CORO2B: variants seen among roughly 807,000 people sequenced by gnomAD.
CORO2B encodes the protein coronin 2B.
Under a neutral mutation model 58.8 loss-of-function variants are expected in CORO2B, and 26 were observed. That is an observed-to-expected ratio of 0.44 (90% confidence interval 0.32 to 0.61). The LOEUF (loss-of-function observed/expected upper bound fraction) is 0.61. Ranked by LOEUF, CORO2B falls within the 20% of genes least tolerant of loss-of-function variation. The pLI is 0.04. For synonymous variants in CORO2B, 242 were observed against 253.8 expected, an observed-to-expected ratio of 0.95 and a Z score of 0.44; for missense variants, 460 against 645.1, an observed-to-expected ratio of 0.71 and a Z score of 3.11.
intron 1 of CORO2B, among the ~76,000 whole-genome samples, chr15:68,640,438 T>G (rs1901174524): frequency 6.6e-6 from 1 of 151,696 alleles, no homozygotes; most frequent in African/African-American, 2.4e-5. Flanking sequence ...TGAAGCATCA[T>G]GAGACAAATC....
chr15:68,535,393 A>G, the CORO2B span, among the ~76,000 whole-genome samples: 2 of 152,260 alleles, frequency 1.3e-5, no homozygotes, highest in Admixed American at 6.5e-5. Flanking sequence ...TTTTTAATCT[A>G]TAAAATGAGA....
At chr15:68,695,807 G>GAGA (rs1456176205) in intron 3 of CORO2B, among the ~76,000 whole-genome samples, 1 of 152,092 alleles carries the variant, frequency 6.6e-6, no homozygotes, top group Non-Finnish European at 1.5e-5. Flanking sequence ...AATGAGAAGA[G>GAGA]AGAAGAAACA....
At chr15:68,541,962 G>A in the CORO2B span, among the ~76,000 whole-genome samples, 5 of 152,234 alleles carry the variant, frequency 3.3e-5, no homozygotes, top group African/African-American at 1.2e-4. Flanking sequence ...TGTGGGACCC[G>A]CCTGTGTTCC....
At chr15:68,618,250 A>C (rs946857243) in intron 1 of CORO2B, among the ~76,000 whole-genome samples, 1 of 152,220 alleles carries the variant, frequency 6.6e-6, no homozygotes, top group African/African-American at 2.4e-5. Flanking sequence ...TACTGGTAGC[A>C]GCCTACCACT....
At chr15:68,522,089 G>A in the CORO2B span, among the ~76,000 whole-genome samples, 49 of 152,192 alleles carry the variant, frequency 3.2e-4, no homozygotes, top group African/African-American at 1.1e-3. Context: ...GATTGCAGGC[G>A]TGACCCACCA....
intron 3 of CORO2B, among the ~76,000 whole-genome samples, chr15:68,707,099 T>A (rs1892803502): frequency 6.6e-6 from 1 of 152,166 alleles, no homozygotes; most frequent in African/African-American, 2.4e-5. Context: ...TAGCTGGGAT[T>A]ACAAGCGCGC....
At chr15:68,711,176 G>A (rs1309795491) in intron 4 of CORO2B, among the ~76,000 whole-genome samples, 1 of 152,082 alleles carries the variant, frequency 6.6e-6, no homozygotes, top group East Asian at 1.9e-4. Context: ...TAACCAAGAG[G>A]TGGCAAAAGG....
chr15:68,697,876 G>A (rs1270632685), intron 3 of CORO2B, among the ~76,000 whole-genome samples: 1 of 152,202 alleles, frequency 6.6e-6, no homozygotes, highest in Non-Finnish European at 1.5e-5. Context: ...GCAGGTGGAG[G>A]TGCTGCCCAT....
chr15:68,717,194 A>G (rs937261732), intron 8 of CORO2B, among the ~76,000 whole-genome samples: 4 of 151,962 alleles, frequency 2.6e-5, no homozygotes, highest in African/African-American at 9.7e-5. Context: ...CACCCCTGTA[A>G]TCCCAGCTAC....
Position 68,645,364 on chromosome 15 carries a change from G to T in CORO2B, c.216+4G>T. 4 of 1,609,360 alleles carry T rather than the reference G, an allele frequency of 2.5e-6. No individual in the cohort carries two copies. The highest frequency in any genetic ancestry group is 2.5e-6 in the Non-Finnish European group (3 of 1,179,782). On this transcript the variant is annotated splice_donor_region_variant and intron_variant, in intron 2 of 11. Transcript: ENST00000261861. The surrounding 1 kb of genome is among the most constrained non-coding windows in gnomAD (Gnocchi z 4.5). Reference sequence around the variant, plus strand: ...CCTCGTCATCCCCCTGGAGCAGGTAGGTGGCCCCTACCTTCACTCCAGCTG... The same window carrying T: ...CCTCGTCATCCCCCTGGAGCAGGTATGTGGCCCCTACCTTCACTCCAGCTG...
At chr15:68,680,765 C>T (rs957774633) in intron 2 of CORO2B, among the ~76,000 whole-genome samples, 4 of 152,202 alleles carry the variant, frequency 2.6e-5, no homozygotes. Flanking sequence ...TCAGTTTCCT[C>T]ATCTGCAAAA....
At chr15:68,570,006 T>C in the CORO2B span, among the ~76,000 whole-genome samples, 2 of 152,216 alleles carry the variant, frequency 1.3e-5, no homozygotes, top group Non-Finnish European at 2.9e-5. Context: ...GGGAAAGTTC[T>C]CACCTGCAGA....
intron 3 of CORO2B, among the ~76,000 whole-genome samples, chr15:68,705,171 C>A (rs970877990): frequency 6.6e-6 from 1 of 152,132 alleles, no homozygotes; most frequent in Non-Finnish European, 1.5e-5. Context: ...GGAAGATTAA[C>A]TAATACTATC....
the CORO2B span, among the ~76,000 whole-genome samples, chr15:68,534,281 C>A: frequency 6.6e-6 from 1 of 152,254 alleles, no homozygotes; most frequent in East Asian, 1.9e-4. Context: ...TATGTGTACA[C>A]ACACCTGCAC....
Position 68,718,765 on chromosome 15 carries a change from T to C in CORO2B, c.1035T>C (p.Thr345=). The C allele has an allele frequency of 6.2e-7, 1 of 1,614,168 alleles. No homozygotes were observed. Among genetic ancestry groups the C allele is most frequent in the Non-Finnish European group, 8.5e-7 (1 of 1,180,024 alleles). ...TGTTCCGCTTCTACAAGCTGGTGAC[T>C]CTCAAGGGCCTGATCGAGCCCATCT... ...CEVFRFYKLV[T]LKGLIEPISM... Residue 345 remains threonine (T), a synonymous_variant, in exon 9 of 12, where the codon ACT becomes ACC. Coordinates refer to ENST00000261861, the MANE Select transcript of CORO2B (RefSeq NM_006091.5).
rs747327128 is a variant in CORO2B at position 68,719,501 on chromosome 15, G to A, written c.1260G>A (p.Val420=). ...KAPIKEKKSV[V]VNGIDLLENV... is the part of the protein sequence containing the mutation. ...CCATCAAAGAAAAGAAGAGTGTTGTGGTCAACGGAATAGATTTATTAGAAA... is the reference window on the plus strand; with the variant it reads ...CCATCAAAGAAAAGAAGAGTGTTGTAGTCAACGGAATAGATTTATTAGAAA... Residue 420 remains valine (V), a synonymous_variant, in exon 11 of 12, where the codon GTG becomes GTA. Coordinates refer to ENST00000261861, the MANE Select transcript of CORO2B (RefSeq NM_006091.5). 1 of 1,614,146 alleles carries A rather than the reference G, an allele frequency of 6.2e-7. No individual in the cohort carries two copies. Among genetic ancestry groups the A allele is most frequent in the Non-Finnish European group, 8.5e-7 (1 of 1,180,012 alleles).
At chr15:68,715,149 G>A (rs371570835) in intron 7 of CORO2B, 66 bp from the exon 8 acceptor site, 1 of 1,420,052 alleles carries the variant, frequency 7.0e-7, no homozygotes, top group Non-Finnish European at 1.0e-6. Flanking sequence ...GCTGGCTCCT[G>A]GGACCAGGCC....
chr15:68,545,618 G>GGGGGGGGGC, the CORO2B span, among the ~76,000 whole-genome samples: 1 of 149,744 alleles, frequency 6.7e-6, no homozygotes, highest in African/African-American at 2.5e-5. Flanking sequence ...GGGGCGGGGG[G>GGGGGGGGGC]GGTAATACTG....
At chr15:68,577,933 C>G (rs991520217), upstream of CORO2B, among the ~76,000 whole-genome samples, 1 of 152,046 alleles carries the variant, frequency 6.6e-6, no homozygotes, top group African/African-American at 2.4e-5. Flanking sequence ...CGGTAATTAC[C>G]GTGGAGCAGG....
Sources: gnomAD v4.1 joint callset for allele counts (sites outside exome capture counted in the v4.1 genomes callset) on GRCh38, gnomAD v4.1.1 for gene constraint, Gnocchi (gnomAD v3.1) non-coding constraint, MANE v1.5 for transcripts, NCBI Gene and HGNC (gene_info 2026-07-23, HGNC 2026-07-21) for gene names.